Variants in DCT observed in about 807,000 individuals in gnomAD.
DCT encodes the protein dopachrome tautomerase.
DCT carries 47 observed loss-of-function variants against 53.0 expected under a neutral mutation model. That is an observed-to-expected ratio of 0.89 (90% confidence interval 0.70 to 1.13). The LOEUF (loss-of-function observed/expected upper bound fraction) is 1.13, where lower values mean the gene tolerates loss of function less well. Ranked by LOEUF, DCT falls within the 50% of genes most tolerant of loss-of-function variation. The probability of loss-of-function intolerance (pLI) is 0.00; values close to 1 mark genes in which losing one functional copy is unlikely to be tolerated. For missense variants in DCT, 669 were observed against 637.4 expected, an observed-to-expected ratio of 1.05 and a Z score of -0.53; for synonymous variants, 244 against 237.0, an observed-to-expected ratio of 1.03 and a Z score of -0.27.
rs1436186573 is a variant in DCT at position 94,439,706 on chromosome 13, T to C, written c.*192A>G. 2 of 432,934 alleles carry C rather than the reference T, an allele frequency of 4.6e-6. No individual in the cohort carries two copies. Among genetic ancestry groups the C allele is most frequent in the East Asian group, 3.5e-5 (1 of 28,938 alleles). The allele number at this position is 432,934 out of a possible 1,614,324, so 26.8% of individuals were successfully genotyped here. A position where few individuals can be genotyped will look rare whatever the true frequency, so the allele number is the denominator to read the frequency against. ...GTAGAGGTAGCCTCAAGCACTTTAG[T>C]TGGGTTTGTTAAACAAGCAAGCAAA... On this transcript the variant is annotated 3_prime_UTR_variant, in exon 8 of 8. Coordinates refer to ENST00000377028, the MANE Select transcript of DCT (RefSeq NM_001922.5).
At chr13:94,535,369 A>ATTT in the DCT span, among the ~76,000 whole-genome samples, 2 of 152,218 alleles carry the variant, frequency 1.3e-5, no homozygotes, top group African/African-American at 4.8e-5. Flanking sequence ...AGGAAGCATT[A>ATTT]TTGCTGTAAG....
the DCT span, among the ~76,000 whole-genome samples, chr13:94,504,308 A>C: frequency 2.0e-5 from 3 of 152,216 alleles, no homozygotes; most frequent in African/African-American, 7.2e-5. Context: ...GAGCTTATCA[A>C]CTGATGCAGT....
intron 4 of DCT, among the ~76,000 whole-genome samples, chr13:94,463,245 T>G (rs1025651566): frequency 6.6e-6 from 1 of 151,546 alleles, no homozygotes; most frequent in Admixed American, 6.6e-5. Flanking sequence ...CAAGCAATCC[T>G]CCTGCCTCAG....
the DCT span, among the ~76,000 whole-genome samples, chr13:94,506,071 A>T: frequency 2.6e-5 from 4 of 152,194 alleles, no homozygotes; most frequent in Non-Finnish European, 5.9e-5. Flanking sequence ...TTAAGCTGCT[A>T]AATTTGGGGG....
the DCT span, among the ~76,000 whole-genome samples, chr13:94,488,845 C>T: frequency 7.1e-6 from 1 of 140,134 alleles, no homozygotes; most frequent in Non-Finnish European, 1.6e-5. Flanking sequence ...CATATACACA[C>T]ACATATGTAC....
the DCT span, among the ~76,000 whole-genome samples, chr13:94,493,082 TCAAGA>T: frequency 6.6e-6 from 1 of 152,142 alleles, no homozygotes; most frequent in Non-Finnish European, 1.5e-5. Context: ...ACATCTGTGC[TCAAGA>T]CAAGAGAGAC....
chr13:94,524,343 T>A, the DCT span, among the ~76,000 whole-genome samples: 3 of 152,198 alleles, frequency 2.0e-5, no homozygotes, highest in Non-Finnish European at 4.4e-5. Context: ...CCGCCTTATG[T>A]CTGCTCAGGA....
chr13:94,492,243 C>G, the DCT span, among the ~76,000 whole-genome samples: 1 of 152,196 alleles, frequency 6.6e-6, no homozygotes, highest in African/African-American at 2.4e-5. Flanking sequence ...AGCAGCGAGC[C>G]TTAAAGATAA....
the DCT span, among the ~76,000 whole-genome samples, chr13:94,547,821 CTCT>C: frequency 1.3e-5 from 2 of 151,568 alleles, no homozygotes; most frequent in Non-Finnish European, 2.9e-5. Context: ...AAAAACCCAT[CTCT>C]ACAAAAAATG....
the DCT span, among the ~76,000 whole-genome samples, chr13:94,522,552 G>T: frequency 1.3e-5 from 2 of 151,966 alleles, no homozygotes; most frequent in Non-Finnish European, 2.9e-5. Context: ...TAATACATAC[G>T]GATGTAGTAC....
At chr13:94,488,739 C>T in the DCT span, among the ~76,000 whole-genome samples, 9 of 117,368 alleles carry the variant, frequency 7.7e-5, 1 homozygote, top group African/African-American at 2.4e-4. Context: ...CACACACACA[C>T]ACACACACAC....
the DCT span, among the ~76,000 whole-genome samples, chr13:94,500,377 G>A: frequency 2.6e-5 from 4 of 152,168 alleles, no homozygotes; most frequent in Admixed American, 6.5e-5. Flanking sequence ...ATCAAATCTC[G>A]TGAGACTTAT....
chr13:94,533,121 G>A, the DCT span, among the ~76,000 whole-genome samples: 1 of 151,344 alleles, frequency 6.6e-6, no homozygotes, highest in Non-Finnish European at 1.5e-5. Flanking sequence ...AAACACCATA[G>A]GAAAAGTAAC....
the DCT span, among the ~76,000 whole-genome samples, chr13:94,516,670 T>C: frequency 6.6e-6 from 1 of 152,084 alleles, no homozygotes; most frequent in Non-Finnish European, 1.5e-5. Flanking sequence ...TGGGTTATCA[T>C]GGGAATGAGA....
At chr13:94,473,399 T>C (rs1884876998) in intron 1 of DCT, among the ~76,000 whole-genome samples, 1 of 152,232 alleles carries the variant, frequency 6.6e-6, no homozygotes. Flanking sequence ...GTGATGTTCA[T>C]AGATTAGGTG....
At chr13:94,461,543 A>G (rs539994165) in intron 5 of DCT, among the ~76,000 whole-genome samples, 1 of 152,254 alleles carries the variant, frequency 6.6e-6, no homozygotes, top group South Asian at 2.1e-4. Context: ...TTAAATGTTA[A>G]GTATTGTAAT....
chr13:94,527,980 T>C, the DCT span, among the ~76,000 whole-genome samples: 3 of 152,188 alleles, frequency 2.0e-5, no homozygotes, highest in African/African-American at 7.2e-5. Context: ...GCACGAGAAC[T>C]TCGTGACGCA....
At chr13:94,449,223 G>T (rs1369244976) in intron 6 of DCT, among the ~76,000 whole-genome samples, 1 of 152,104 alleles carries the variant, frequency 6.6e-6, no homozygotes, top group Non-Finnish European at 1.5e-5. Flanking sequence ...GCACCTGCAG[G>T]CATAAAGAAA....
intron 6 of DCT, among the ~76,000 whole-genome samples, chr13:94,455,154 G>C (rs1382430553): frequency 6.6e-6 from 1 of 152,100 alleles, no homozygotes; most frequent in African/African-American, 2.4e-5. Context: ...AAGGTGGGAG[G>C]ATTGCTTGAG....
Sources: allele counts gnomAD v4.1 joint callset (sites outside exome capture counted in the v4.1 genomes callset), GRCh38; gene constraint gnomAD v4.1.1; transcripts MANE v1.5; gene names NCBI Gene and HGNC (gene_info 2026-07-23, HGNC 2026-07-21).